Variants in FOXN3 observed in about 807,000 individuals in gnomAD.
The protein encoded by FOXN3 is forkhead box N3.
A neutral mutation model predicts 38.4 loss-of-function variants in FOXN3; 7 were observed. That is an observed-to-expected ratio of 0.18 (90% CI 0.10 to 0.34). The LOEUF is 0.34. FOXN3 is among the 10% of genes least tolerant of loss of function. FOXN3 has a pLI of 1.00. For missense variants in FOXN3, 456 were observed against 613.4 expected, an observed-to-expected ratio of 0.74 and a Z score of 2.71; for synonymous variants, 230 against 242.2, an observed-to-expected ratio of 0.95 and a Z score of 0.47.
At chr14:89,338,454 T>C (rs1299535238) in intron 3 of FOXN3, among the ~76,000 whole-genome samples, 1 of 152,006 alleles carries the variant, frequency 6.6e-6, no homozygotes, top group African/African-American at 2.4e-5. Context: ...ACATAAAGTA[T>C]AAAAAGATTC....
At chr14:89,253,903 A>G (rs1885538343) in intron 4 of FOXN3, among the ~76,000 whole-genome samples, 1 of 152,186 alleles carries the variant, frequency 6.6e-6, no homozygotes, top group Non-Finnish European at 1.5e-5. Context: ...TCATCGGCAC[A>G]TGGTACCTGT....
chr14:89,573,157 G>A (rs1895529693), intron 1 of FOXN3, among the ~76,000 whole-genome samples: 1 of 152,226 alleles, frequency 6.6e-6, no homozygotes, highest in Non-Finnish European at 1.5e-5. Context: ...CAAAGGAAAT[G>A]AGAAGCGATA....
chr14:89,246,540 G>A (rs373034703), intron 4 of FOXN3, among the ~76,000 whole-genome samples: 145 of 40,880 alleles, frequency 3.5e-3, no homozygotes, highest in Middle Eastern at 0.012. Flanking sequence ...TGCAGGATGC[G>A]GCTTTTTTTT....
rs1204654617 is a variant in FOXN3 at position 89,157,252 on chromosome 14, T to G, written c.*5162A>C. 6.6e-6 allele frequency: 1 copy of G among 152,646 alleles called. No individual in the cohort carries two copies. The highest frequency in any genetic ancestry group is 2.4e-5 in the African/African-American group (1 of 41,462). 9.5% of individuals were successfully genotyped at this position (152,646 alleles called of 1,614,324 possible). A position where few individuals can be genotyped will look rare whatever the true frequency, so the allele number is the denominator to read the frequency against. On this transcript the variant is annotated 3_prime_UTR_variant, in exon 6 of 6. Coordinates refer to ENST00000557258, the MANE Select transcript of FOXN3 (RefSeq NM_005197.4). ...CCATAGACACATCGGTTTCGGCTGT[T>G]AAAAGATGGATCGTTTTAAAAACTG...
At position 89,280,985 on chromosome 14, in the gene FOXN3, C is replaced by T; in HGVS notation, c.710G>A (p.Ser237Asn). The change falls in exon 4 of 6, where the codon AGT (serine) becomes AAT (asparagine). Residue 237 changes from serine to asparagine, a missense_variant. Ser to Asn is a conservative substitution (Grantham distance 46, BLOSUM62 1). Transcript: ENST00000557258. ...STSGPPIWPG[S>N]TFFKRNGALL... ...GGCTCCATTTCTCTTGAAGAAGGTA[C>T]TGCCCGGCCAGATGGGTGGACCTGA... 1 of 1,613,900 alleles carries T rather than the reference C, an allele frequency of 6.2e-7. No homozygotes were observed. Among genetic ancestry groups the T allele is most frequent in the Non-Finnish European group, 8.5e-7 (1 of 1,179,950 alleles).
chr14:89,283,031 C>A (rs1449541372), intron 3 of FOXN3, among the ~76,000 whole-genome samples: 1 of 152,192 alleles, frequency 6.6e-6, no homozygotes, highest in African/African-American at 2.4e-5. Flanking sequence ...TGGCCACCAC[C>A]TTCTCTTTCC....
At chr14:89,397,152 G>T (rs1247322666) in intron 2 of FOXN3, among the ~76,000 whole-genome samples, 1 of 152,088 alleles carries the variant, frequency 6.6e-6, no homozygotes, top group African/African-American at 2.4e-5. Context: ...GATGCAGCTG[G>T]AGGCCATTAT....
intron 1 of FOXN3, among the ~76,000 whole-genome samples, chr14:89,583,950 G>A (rs970377944): frequency 1.8e-4 from 28 of 151,490 alleles, no homozygotes; most frequent in African/African-American, 6.8e-4. Flanking sequence ...TCCGCCTCCC[G>A]GGTTCAAGCA....
intron 2 of FOXN3, among the ~76,000 whole-genome samples, chr14:89,390,277 A>C (rs2140076230): frequency 7.0e-6 from 1 of 143,808 alleles, no homozygotes; most frequent in South Asian, 2.2e-4. Context: ...GTTTCAATAG[A>C]TCTCTCTCGT....
At chr14:89,221,826 CTTT>C (rs760636778) in intron 4 of FOXN3, among the ~76,000 whole-genome samples, 2 of 144,704 alleles carry the variant, frequency 1.4e-5, no homozygotes, top group Admixed American at 6.9e-5. Flanking sequence ...TCTATATAAT[CTTT>C]TTTTTTTTTT....
chr14:89,309,058 T>C (rs191460082), intron 3 of FOXN3, among the ~76,000 whole-genome samples: 105 of 152,234 alleles, frequency 6.9e-4, no homozygotes, highest in African/African-American at 2.4e-3. Context: ...AACTGTCTCT[T>C]TGTTTGTTTT....
rs539353667 is a variant in FOXN3, at chr14:89,513,527, G to A, written c.-14-101037C>T. Among the ~76,000 whole-genome samples, 19 of 152,058 alleles carry A rather than the reference G, an allele frequency of 1.2e-4. No individual in the cohort carries two copies. The South Asian group carries it at 1.9e-3, about 15-fold the overall frequency. ...AGTGCTGGGATTACAGACATGAGAT[G>A]AGCCACTGCACCCAGCCCATTGTGT... On this transcript the variant is annotated intron_variant, in intron 1 of 6. Transcript: ENST00000345097.
At chr14:89,460,943 G>T (rs561362153) in intron 1 of FOXN3, among the ~76,000 whole-genome samples, 1 of 150,738 alleles carries the variant, frequency 6.6e-6, no homozygotes, top group Admixed American at 6.6e-5. Context: ...CAGGAGAATC[G>T]CTTGAACCCA....
intron 2 of FOXN3, among the ~76,000 whole-genome samples, chr14:89,359,559 G>A (rs1227588402): frequency 6.6e-6 from 1 of 152,196 alleles, no homozygotes; most frequent in Non-Finnish European, 1.5e-5. Context: ...GGAAATGGAA[G>A]GATCGAAATA....
chr14:89,364,786 T>C (rs1308245394), intron 2 of FOXN3: 1 of 152,194 alleles, frequency 6.6e-6, no homozygotes, highest in Non-Finnish European at 1.5e-5. Flanking sequence ...ATCCACCTCA[T>C]ATACCTCAGA....
At chr14:89,485,748 C>T (rs116391435) in intron 1 of FOXN3, among the ~76,000 whole-genome samples, 1,812 of 152,162 alleles carry the variant, frequency 0.012, 31 homozygotes, top group African/African-American at 0.041. Flanking sequence ...GGACCCCTGA[C>T]GGGGAGTCTG....
intron 1 of FOXN3, among the ~76,000 whole-genome samples, chr14:89,555,963 G>T (rs866965391): frequency 1.9e-4 from 29 of 150,810 alleles, no homozygotes; most frequent in Middle Eastern, 3.2e-3. Context: ...TTGTAGAAAA[G>T]ATTAGAAAGA....
intron 1 of FOXN3, among the ~76,000 whole-genome samples, chr14:89,560,490 G>A (rs774983724): frequency 2.0e-5 from 3 of 152,186 alleles, no homozygotes; most frequent in Non-Finnish European, 4.4e-5. Flanking sequence ...CAGTGGTGAC[G>A]CAGAAGCTCT....
chr14:89,592,658 G>A (rs1895981822), intron 1 of FOXN3, among the ~76,000 whole-genome samples: 1 of 152,140 alleles, frequency 6.6e-6, no homozygotes, highest in Non-Finnish European at 1.5e-5. Flanking sequence ...CCAAGAGAGG[G>A]GATAGATTAG....
Sources: allele counts gnomAD v4.1 joint callset (sites outside exome capture counted in the v4.1 genomes callset), GRCh38; gene constraint gnomAD v4.1.1; transcripts MANE v1.5; gene names NCBI Gene and HGNC (gene_info 2026-07-23, HGNC 2026-07-21).